Variants in FANCA observed in about 807,000 individuals in gnomAD.
FANCA encodes Fanconi anemia group A protein.
FANCA carries 236 observed loss-of-function variants against 194.3 expected under a neutral mutation model. That is an observed-to-expected ratio of 1.21 (90% CI 1.09 to 1.35). FANCA has a LOEUF of 1.35. Among genes scored for constraint, FANCA ranks in the 40% most tolerant of loss-of-function variants. FANCA has a pLI of 0.00. For missense variants in FANCA, 2,628 were observed against 1,813.9 expected (o/e 1.45, Z -8.15); for synonymous variants, 1,014 against 715.8 (o/e 1.42, Z -6.65).
chr16:89,792,670 A>G lies in FANCA; in HGVS notation c.1007-123T>C. The G allele has an allele frequency of 3.9e-6, 3 of 765,476 alleles. No individual in the cohort carries two copies. In the East Asian group the frequency reaches 8.3e-5, roughly 21 times the overall value. The allele number at this position is 765,476 out of a possible 1,614,324, so 47.4% of individuals were successfully genotyped here. A position where few individuals can be genotyped will look rare whatever the true frequency, so the allele number is the denominator to read the frequency against. Reference sequence around the variant, plus strand: ...CGTGTGCGGCGACGAGAGAGTGTAGAAAGAAAGATACAAGACAAAGAGATA... The same window carrying G: ...CGTGTGCGGCGACGAGAGAGTGTAGGAAGAAAGATACAAGACAAAGAGATA... On this transcript the variant is annotated intron_variant, in intron 11 of 42. Coordinates refer to ENST00000389301, the MANE Select transcript of FANCA (RefSeq NM_000135.4).
In FANCA at chr16:89,769,839, C is replaced by T. The variant is rs770993950; in HGVS notation, c.2502G>A (p.Leu834=). The T allele has an allele frequency of 3.8e-5, 61 of 1,613,966 alleles. No individual in the cohort carries two copies. In the South Asian group the frequency reaches 4.6e-4, roughly 12 times the overall value. ...GCGACTGTGGAAGAAGAGCTCACTT[C>T]AGGCAGAAGAACAAGGAATCCCTCG... The part of the protein sequence containing the change: ...CRTRDSLFFC[L]KFCTAAISYS... Residue 834 remains leucine, a splice_region_variant and synonymous_variant, in exon 26 of 43, where the codon CTG becomes CTA. Coordinates refer to ENST00000389301, the MANE Select transcript of FANCA (RefSeq NM_000135.4).
At chr16:89,797,394 G>A (rs543239504) in intron 10 of FANCA, among the ~76,000 whole-genome samples, 1 of 152,202 alleles carries the variant, frequency 6.6e-6, no homozygotes, top group East Asian at 1.9e-4. Flanking sequence ...CTGCCCCAGG[G>A]TCACACACCC....
Position 89,810,961 on chromosome 16 carries a change from T to C in FANCA, c.394A>G (p.Ser132Gly). 2 of 1,614,140 alleles carry C rather than the reference T, an allele frequency of 1.2e-6. No homozygotes were observed. Among genetic ancestry groups the C allele is most frequent in the African/African-American group, 1.3e-5 (1 of 75,074 alleles). Residue 132 changes from serine to glycine, a missense_variant, in exon 4 of 43, where the codon AGT becomes GGT. By Grantham distance (56) the Ser-to-Gly change is moderately conservative. Transcript: ENST00000389301. ...TCCACAGTCAGCAGCACAGGGTGAC[T>C]GGTCTCCGCTGGAGCCGTGCAGATC... ...GQICTAPAET[S>G]HPVLLTVEQR...
At chr16:89,799,464 C>T (rs2040365043) in intron 9 of FANCA, 141 bp downstream of exon 9, 8 of 1,002,232 alleles carry the variant, frequency 8.0e-6, no homozygotes, top group African/African-American at 1.6e-5. Context: ...AATGCCAAAA[C>T]AAGGGCATTC....
intron 27 of FANCA, among the ~76,000 whole-genome samples, chr16:89,766,502 G>C (rs1161385753): frequency 6.6e-6 from 1 of 151,744 alleles, no homozygotes; most frequent in Non-Finnish European, 1.5e-5. Context: ...TTGAGGTCAG[G>C]AGTTCGAAAA....
chr16:89,795,649 C>CA (rs1297982037), intron 11 of FANCA, among the ~76,000 whole-genome samples: 1 of 152,014 alleles, frequency 6.6e-6, no homozygotes, highest in African/African-American at 2.4e-5. Context: ...AACAAACAAA[C>CA]AAAAAAGATA....
chr16:89,760,977 G>A (rs1004864947), intron 29 of FANCA, among the ~76,000 whole-genome samples: 9 of 152,164 alleles, frequency 5.9e-5, no homozygotes, highest in African/African-American at 2.2e-4. Flanking sequence ...CCTTATACGT[G>A]CCACATCTGC....
chr16:89,739,495 C>T lies in FANCA; in HGVS notation c.3993G>A (p.Leu1331=), dbSNP rs1158871974. 1.3e-6 allele frequency: 2 copies of T among 1,551,256 alleles called. No homozygotes were observed. The highest frequency in any genetic ancestry group is 1.7e-6 in the Non-Finnish European group (2 of 1,147,214). ...GGAGGTACCTGTAAAAAGCGAAAGG[C>T]AGCAGCCTGGTGTGCTGATCCGGGG... ...RVAPDQHTRL[L]PFAFYSLLSY... is the part of the protein sequence containing the mutation. The change falls in exon 40 of 43, where the codon CTG becomes CTA. Residue 1331 remains leucine, a synonymous_variant. Transcript: ENST00000389301.
At chr16:89,751,095 G>A (rs796662030) in intron 31 of FANCA, among the ~76,000 whole-genome samples, 2 of 152,138 alleles carry the variant, frequency 1.3e-5, no homozygotes, top group Non-Finnish European at 2.9e-5. Flanking sequence ...GTTTCACCAT[G>A]TTGGCCAAAC....
chr16:89,789,815 G>A (rs2040009659), intron 14 of FANCA, among the ~76,000 whole-genome samples: 1 of 152,090 alleles, frequency 6.6e-6, no homozygotes, highest in African/African-American at 2.4e-5. Context: ...AAACCATGGC[G>A]GTCCTTCAAA....
chr16:89,742,342 G>C lies in FANCA; in HGVS notation c.3765+458C>G, dbSNP rs868418323. On this transcript the variant is annotated intron_variant, in intron 37 of 42. Coordinates refer to ENST00000389301, the MANE Select transcript of FANCA (RefSeq NM_000135.4). ...GCATGGTGGCACACACCTGTAGTCTGAGCTACTCCAGAGGCTGAGGTAAGA... is the reference window on the plus strand; with the variant it reads ...GCATGGTGGCACACACCTGTAGTCTCAGCTACTCCAGAGGCTGAGGTAAGA... 3.3e-5 allele frequency among the ~76,000 whole-genome samples: 5 copies of C among 152,100 alleles called. 1 individual carries two copies. The highest frequency in any genetic ancestry group is 6.8e-3 in the Middle Eastern group (2 of 294).
intron 29 of FANCA, among the ~76,000 whole-genome samples, chr16:89,760,522 C>A (rs2038917267): frequency 6.6e-6 from 1 of 152,060 alleles, no homozygotes; most frequent in Non-Finnish European, 1.5e-5. Context: ...GCCCATATAC[C>A]CACCAGGATA....
intron 10 of FANCA, among the ~76,000 whole-genome samples, chr16:89,796,761 G>A (rs896208803): frequency 2.6e-5 from 4 of 152,128 alleles, no homozygotes; most frequent in Non-Finnish European, 4.4e-5. Context: ...GGTGGCTCAT[G>A]CCTGTAATCC....
At chr16:89,813,661 G>C (rs957671433) in intron 3 of FANCA, among the ~76,000 whole-genome samples, 1 of 152,102 alleles carries the variant, frequency 6.6e-6, no homozygotes, top group Admixed American at 6.6e-5. Context: ...CTCGAATCCT[G>C]ACCTCAGGTG....
intron 29 of FANCA, among the ~76,000 whole-genome samples, chr16:89,759,346 A>AAAAAAAAAAAAT: frequency 6.8e-6 from 1 of 146,038 alleles, no homozygotes; most frequent in Non-Finnish European, 1.5e-5. Context: ...AAAAAAAAAA[A>AAAAAAAAAAAAT]AAAGTAGCCT....
chr16:89,741,951 T>C (rs765366384), intron 37 of FANCA, among the ~76,000 whole-genome samples: 19 of 151,196 alleles, frequency 1.3e-4, no homozygotes, highest in Non-Finnish European at 2.5e-4. Context: ...CCCCATCTCT[T>C]TTAATTTTTA....
At position 89,782,006 on chromosome 16, in the gene FANCA, C is replaced by CA. The variant is rs975066408; in HGVS notation, c.1626+852dup. Among the ~76,000 whole-genome samples, 283 of 136,704 alleles carry CA rather than the reference C, an allele frequency of 2.1e-3. 4 individuals carry two copies. Among genetic ancestry groups the CA allele is most frequent in the Middle Eastern group, 3.6e-3 (1 of 278 alleles). 89.7% of individuals were successfully genotyped at this position (136,704 alleles called of 152,430 possible). A position where few individuals can be genotyped will look rare whatever the true frequency, so the allele number is the denominator to read the frequency against. ...TGGGCGACAGAGCGAGACTCCATCT[C>CA]AAAAAAAAAAAAGAATGTTTTCATT... On this transcript the variant is annotated intron_variant, in intron 17 of 42. Transcript: ENST00000389301.
chr16:89,771,868 A>C (rs2039339226), intron 22 of FANCA, 54 bp from the exon 23 acceptor site: 1 of 1,608,094 alleles, frequency 6.2e-7, no homozygotes, highest in African/African-American at 1.3e-5. Context: ...GGAGGGATAC[A>C]GCTGCGGCCT....
intron 8 of FANCA, among the ~76,000 whole-genome samples, chr16:89,800,689 C>T (rs1171107029): frequency 1.3e-5 from 2 of 152,126 alleles, no homozygotes; most frequent in African/African-American, 4.8e-5. Context: ...ATGAAAACAG[C>T]ATGAGGTTGA....
Sources: gnomAD v4.1 joint callset for allele counts (sites outside exome capture counted in the v4.1 genomes callset) on GRCh38, gnomAD v4.1.1 for gene constraint, MANE v1.5 for transcripts, NCBI Gene and HGNC (gene_info 2026-07-23, HGNC 2026-07-21) for gene names.